The following ANK3 variants were observed in gnomAD, a reference collection of about 807,000 sequenced individuals.
ANK3 encodes ankyrin-3.
A neutral mutation model predicts 370.9 loss-of-function variants in ANK3; 57 were observed. The observed-to-expected ratio is 0.15, with a 90% CI of 0.12 to 0.19. The LOEUF (loss-of-function observed/expected upper bound fraction) is 0.19. Among genes scored for constraint, ANK3 ranks in the 10% least tolerant of loss-of-function variants. ANK3 has a pLI of 1.00. For missense variants in ANK3, 4,439 were observed against 5,302.1 expected (o/e 0.84, Z 5.06); for synonymous variants, 1,929 against 1,946.3 (o/e 0.99, Z 0.23).
intron 2 of ANK3, among the ~76,000 whole-genome samples, chr10:60,599,264 G>A (rs1350875350): frequency 6.6e-6 from 1 of 151,622 alleles, no homozygotes; most frequent in Non-Finnish European, 1.5e-5. Flanking sequence ...TCATCAGATG[G>A]TAAAAATTAA....
intron 2 of ANK3, among the ~76,000 whole-genome samples, chr10:60,462,387 A>G (rs1412409518): frequency 2.0e-5 from 3 of 152,146 alleles, no homozygotes; most frequent in Admixed American, 2.0e-4. Flanking sequence ...TGAGTGTAAA[A>G]GCATGCATGC....
intron 1 of ANK3, among the ~76,000 whole-genome samples, chr10:60,311,787 A>G (rs907902691): frequency 1.3e-5 from 2 of 152,136 alleles, no homozygotes; most frequent in East Asian, 1.9e-4. Context: ...CTTCTTATCA[A>G]TAGGTCACAG....
intron 1 of ANK3, among the ~76,000 whole-genome samples, chr10:60,699,979 A>T (rs997475703): frequency 6.6e-6 from 1 of 152,168 alleles, no homozygotes; most frequent in African/African-American, 2.4e-5. Context: ...GGATGTAAAG[A>T]TCCCACTGGC....
At chr10:60,572,642 C>G in intron 2 of ANK3, 1 of 1,459,460 alleles carries the variant, frequency 6.9e-7, no homozygotes, top group Non-Finnish European at 9.0e-7. Flanking sequence ...CGGGTGCTCC[C>G]CAGGCAAAGC....
chr10:60,733,143 C>A, intron 1 of ANK3: 2 of 858,524 alleles, frequency 2.3e-6, no homozygotes, highest in Non-Finnish European at 3.1e-6. Flanking sequence ...GCGGCGCCGC[C>A]TGGCACCCCC....
intron 28 of ANK3, 144 bp downstream of exon 28, chr10:60,105,761 A>G (rs1481736828): frequency 9.4e-6 from 7 of 745,020 alleles, no homozygotes; most frequent in Non-Finnish European, 1.4e-5. Flanking sequence ...ATTATGATAT[A>G]GAAAACAGCA....
At chr10:60,159,594 T>A (rs2095442013) in intron 23 of ANK3, among the ~76,000 whole-genome samples, 1 of 152,080 alleles carries the variant, frequency 6.6e-6, no homozygotes, top group Non-Finnish European at 1.5e-5. Flanking sequence ...GAACATTCTA[T>A]CCAACACCTG....
Position 60,026,549 on chromosome 10 carries a change from G to A in ANK3, c.*3297C>T, listed in dbSNP as rs992384006. 32 of 152,264 alleles carry A rather than the reference G, an allele frequency of 2.1e-4. No individual in the cohort carries two copies. The highest frequency in any genetic ancestry group is 7.2e-4 in the African/African-American group (30 of 41,542). 9.4% of individuals were successfully genotyped at this position (152,264 alleles called of 1,614,324 possible). ...GCTTCTCACATATCCCTGTCATACA[G>A]CCAAACGTGAGCTGATGCTGACAAT... On this transcript the variant is annotated 3_prime_UTR_variant, in exon 44 of 44. Coordinates refer to ENST00000280772, the MANE Select transcript of ANK3 (RefSeq NM_020987.5).
At chr10:60,491,701 T>A (rs115116389) in intron 2 of ANK3, among the ~76,000 whole-genome samples, 1 of 152,148 alleles carries the variant, frequency 6.6e-6, no homozygotes, top group Non-Finnish European at 1.5e-5. Flanking sequence ...CAAGAAAAGA[T>A]TGATCAAATG....
intron 2 of ANK3, among the ~76,000 whole-genome samples, chr10:60,511,193 C>A (rs1336421268): frequency 2.6e-5 from 4 of 152,076 alleles, no homozygotes; most frequent in African/African-American, 7.2e-5. Context: ...GAAATGGTCA[C>A]AATTGTTTAA....
At chr10:60,160,789 A>G (rs1245301458) in intron 23 of ANK3, among the ~76,000 whole-genome samples, 2 of 152,226 alleles carry the variant, frequency 1.3e-5, no homozygotes, top group African/African-American at 4.8e-5. Flanking sequence ...CCAAAGAATA[A>G]AGGACAAATC....
chr10:60,193,378 C>T (rs959493495), intron 16 of ANK3, among the ~76,000 whole-genome samples: 5 of 152,178 alleles, frequency 3.3e-5, no homozygotes, highest in Non-Finnish European at 5.9e-5. Flanking sequence ...ATTTGTGCGC[C>T]TAGCACAGTA....
At chr10:60,432,193 G>C (rs533729033) in intron 2 of ANK3, among the ~76,000 whole-genome samples, 3 of 152,312 alleles carry the variant, frequency 2.0e-5, no homozygotes, top group African/African-American at 7.2e-5. Flanking sequence ...ATTTGGGGCT[G>C]CATCAAATAT....
chr10:60,582,235 T>C (rs1004214465), intron 2 of ANK3, among the ~76,000 whole-genome samples: 1 of 152,046 alleles, frequency 6.6e-6, no homozygotes, highest in Non-Finnish European at 1.5e-5. Context: ...CAAACCTTCA[T>C]GTTCTGCACA....
intron 1 of ANK3, among the ~76,000 whole-genome samples, chr10:60,301,955 T>C (rs2043910247): frequency 6.6e-6 from 1 of 152,166 alleles, no homozygotes; most frequent in South Asian, 2.1e-4. Flanking sequence ...ATGACCATGG[T>C]AGGCTCAATT....
intron 1 of ANK3, among the ~76,000 whole-genome samples, chr10:60,644,335 C>T (rs549771655): frequency 6.6e-6 from 1 of 152,262 alleles, no homozygotes; most frequent in South Asian, 2.1e-4. Flanking sequence ...CTTTAAAATA[C>T]AGTTTTACTC....
chr10:60,620,965 T>TA (rs1247524144), intron 1 of ANK3, among the ~76,000 whole-genome samples: 1 of 152,150 alleles, frequency 6.6e-6, no homozygotes, highest in Non-Finnish European at 1.5e-5. Flanking sequence ...ATCTGAGACT[T>TA]AGAGAGATTG....
intron 2 of ANK3, among the ~76,000 whole-genome samples, chr10:60,452,671 C>G (rs993811712): frequency 1.8e-4 from 27 of 152,208 alleles, no homozygotes; most frequent in African/African-American, 6.5e-4. Context: ...CAAGCTCCAT[C>G]CAATTATGTG....
At chr10:60,217,358 G>A (rs566199463) in intron 8 of ANK3, among the ~76,000 whole-genome samples, 7 of 151,854 alleles carry the variant, frequency 4.6e-5, no homozygotes, top group Admixed American at 1.3e-4. Flanking sequence ...TTAGGGTGTC[G>A]ATCTGAGATC....
Sources: allele counts gnomAD v4.1 joint callset (sites outside exome capture counted in the v4.1 genomes callset), GRCh38; gene constraint gnomAD v4.1.1; transcripts MANE v1.5; gene names NCBI Gene and HGNC (gene_info 2026-07-23, HGNC 2026-07-21).